The following ZNF264 variants were observed in gnomAD, a reference collection of about 807,000 sequenced individuals.
The protein encoded by ZNF264 is zinc finger protein 264.
In ZNF264, 11 loss-of-function variants were observed where a neutral mutation model predicts 11.2. That is an observed-to-expected ratio of 0.98 (90% CI 0.62 to 1.63). The LOEUF (loss-of-function observed/expected upper bound fraction) is 1.63, where lower values mean the gene tolerates loss of function less well. Ranked by LOEUF, ZNF264 falls within the 40% of genes most tolerant of loss-of-function variation. ZNF264 has a pLI of 0.00. For synonymous variants in ZNF264, 309 were observed against 279.8 expected (o/e 1.10, Z -1.04); for missense variants, 752 against 768.1 (o/e 0.98, Z 0.25).
intron 2 of ZNF264, among the ~76,000 whole-genome samples, chr19:57,203,258 C>T (rs2087266527): frequency 6.6e-6 from 1 of 152,034 alleles, no homozygotes; most frequent in South Asian, 2.1e-4. Context: ...AGGGGAAATA[C>T]TGGCTTGGTA....
chr19:57,193,870 T>G lies in ZNF264; in HGVS notation c.34-5T>G, dbSNP rs201918918. On this transcript the variant is annotated splice_region_variant and splice_polypyrimidine_tract_variant and intron_variant, in intron 1 of 3. Transcript: ENST00000263095. ...CAATACTACTAATTCTGTTTGACTT[T>G]CCAGGTGTCTGTGACCTTTGATGAT... 6.2e-7 allele frequency: 1 copy of G among 1,614,046 alleles called. No individual in the cohort carries two copies. The highest frequency in any genetic ancestry group is 8.5e-7 in the Non-Finnish European group (1 of 1,179,952).
chr19:57,210,542 G>A (rs1426859293), intron 3 of ZNF264, among the ~76,000 whole-genome samples: 1 of 152,184 alleles, frequency 6.6e-6, no homozygotes, highest in Admixed American at 6.5e-5. Context: ...CCCCAGTCTG[G>A]CATATGGCAA....
At chr19:57,209,558 C>T (rs768515636) in intron 3 of ZNF264, among the ~76,000 whole-genome samples, 2 of 152,000 alleles carry the variant, frequency 1.3e-5, no homozygotes, top group East Asian at 3.9e-4. Flanking sequence ...TTTTCTTCAT[C>T]TTGATCATGT....
Position 57,217,443 on chromosome 19 carries a change from AG to A in ZNF264, c.*4463del, listed in dbSNP as rs991969279. On this transcript the variant is annotated 3_prime_UTR_variant, in exon 4 of 4. Transcript: ENST00000263095. ...TTTCTTTTCCTTTTTTTTGAGACCAAGTCTCACTCTGTCACCCACGCTGGAG... is the reference window on the plus strand; with the variant it reads ...TTTCTTTTCCTTTTTTTTGAGACCAATCTCACTCTGTCACCCACGCTGGAG... The A allele has an allele frequency of 3.9e-5, 6 of 152,034 alleles. No individual in the cohort carries two copies. Among genetic ancestry groups the A allele is most frequent in the Admixed American group, 3.3e-4 (5 of 15,268 alleles). The allele number at this position is 152,034 out of a possible 1,614,324, so 9.4% of individuals were successfully genotyped here.
chr19:57,201,283 A>C (rs1280179328), intron 2 of ZNF264, among the ~76,000 whole-genome samples: 1 of 151,698 alleles, frequency 6.6e-6, no homozygotes, highest in Non-Finnish European at 1.5e-5. Context: ...GAAGTAGTGG[A>C]TCTTAGTTTC....
rs1227226820 is a variant in ZNF264 at position 57,193,906 on chromosome 19, C to G, written c.65C>G (p.Thr22Ser). 7.4e-6 allele frequency: 12 copies of G among 1,614,122 alleles called. 1 individual carries two copies. The highest frequency in any genetic ancestry group is 3.3e-5 in the South Asian group (3 of 91,080). ...GTGACCTTTGATGATGTGGCTGTGACTTTCACCAAGGAGGAGTGGGGGCAG... is the reference window on the plus strand; with the variant it reads ...GTGACCTTTGATGATGTGGCTGTGAGTTTCACCAAGGAGGAGTGGGGGCAG... Reference protein sequence around the residue: ...VSVTFDDVAVTFTKEEWGQLD... With the variant: ...VSVTFDDVAVSFTKEEWGQLD... The change falls in exon 2 of 4, where the codon ACT becomes AGT. Residue 22 changes from threonine to serine, a missense_variant. Physicochemically the swap from Thr to Ser is moderately conservative, Grantham distance 58. Coordinates refer to ENST00000263095, the MANE Select transcript of ZNF264 (RefSeq NM_003417.5).
At position 57,215,283 on chromosome 19, in the gene ZNF264, T is replaced by G. The variant is rs1048693474; in HGVS notation, c.*2302T>G. Reference sequence around the variant, plus strand: ...GTATCTATTTCTTGTGTAATAAATTTTGATAGTCTGTCCTGTTGAAGGAAT... The same window carrying G: ...GTATCTATTTCTTGTGTAATAAATTGTGATAGTCTGTCCTGTTGAAGGAAT... On this transcript the variant is annotated 3_prime_UTR_variant, in exon 4 of 4. Transcript: ENST00000263095. 2 of 152,252 alleles carry G rather than the reference T, an allele frequency of 1.3e-5. No homozygotes were observed. Among genetic ancestry groups the G allele is most frequent in the Non-Finnish European group, 2.9e-5 (2 of 68,042 alleles). The allele number at this position is 152,252 out of a possible 1,614,324, so 9.4% of individuals were successfully genotyped here.
At chr19:57,197,067 G>A (rs530756915) in intron 2 of ZNF264, among the ~76,000 whole-genome samples, 1 of 151,988 alleles carries the variant, frequency 6.6e-6, no homozygotes, top group Admixed American at 6.6e-5. Context: ...AACCATCTGT[G>A]AACCAGGCCC....
rs2087356138 is a variant in ZNF264 at position 57,213,361 on chromosome 19, GTTAGT to G, written c.*385_*389del. 5.9e-6 allele frequency: 1 copy of G among 170,020 alleles called. No individual in the cohort carries two copies. Among genetic ancestry groups the G allele is most frequent in the African/African-American group, 2.4e-5 (1 of 41,806 alleles). 10.5% of individuals were successfully genotyped at this position (170,020 alleles called of 1,614,324 possible). ...TTTATTGCTATCCAGTGTCAGAACA[GTTAGT>G]TTAGGAAAAGTATGCAAACTTTAAT... On this transcript the variant is annotated 3_prime_UTR_variant, in exon 4 of 4. Coordinates refer to ENST00000263095, the MANE Select transcript of ZNF264 (RefSeq NM_003417.5).
rs1340969551 is a variant in ZNF264, at chr19:57,217,652, A to C, written c.*4671A>C. ...TTGGTCTTGAACTCTTGACCTCATGATCCACCCGCCTCGGCCCCCCAAAGT... is the reference window on the plus strand; with the variant it reads ...TTGGTCTTGAACTCTTGACCTCATGCTCCACCCGCCTCGGCCCCCCAAAGT... On this transcript the variant is annotated 3_prime_UTR_variant, in exon 4 of 4. Transcript: ENST00000263095. 3 of 151,684 alleles carry C rather than the reference A, an allele frequency of 2.0e-5. No individual in the cohort carries two copies. Among genetic ancestry groups the C allele is most frequent in the African/African-American group, 7.3e-5 (3 of 41,230 alleles). The allele number at this position is 151,684 out of a possible 1,614,324, so 9.4% of individuals were successfully genotyped here.
chr19:57,191,982 T>G (rs763724385), intron 1 of ZNF264, 36 bp downstream of exon 1: 19 of 1,511,622 alleles, frequency 1.3e-5, no homozygotes, highest in Non-Finnish European at 1.5e-5. Context: ...GCCGCTTCCT[T>G]GCCAGCGCTG....
Position 57,205,306 on chromosome 19 carries a change from C to G in ZNF264, c.161-91C>G. On this transcript the variant is annotated intron_variant, in intron 2 of 3. Coordinates refer to ENST00000263095, the MANE Select transcript of ZNF264 (RefSeq NM_003417.5). ...CACAGGAGCAGCTTCACTCCAAGGTCTGGTCTCCATCCTGAAGTCCCAAAC... is the reference window on the plus strand; with the variant it reads ...CACAGGAGCAGCTTCACTCCAAGGTGTGGTCTCCATCCTGAAGTCCCAAAC... 2.4e-6 allele frequency: 3 copies of G among 1,240,320 alleles called. No individual in the cohort carries two copies. The South Asian group carries it at 3.9e-5, about 16-fold the overall frequency. The allele number at this position is 1,240,320 out of a possible 1,614,324, so 76.8% of individuals were successfully genotyped here. A position where few individuals can be genotyped will look rare whatever the true frequency, so the allele number is the denominator to read the frequency against.
chr19:57,204,141 G>A (rs765149257), intron 2 of ZNF264, among the ~76,000 whole-genome samples: 25 of 151,724 alleles, frequency 1.6e-4, no homozygotes, highest in Non-Finnish European at 3.1e-4. Flanking sequence ...GCGTGAACCC[G>A]GGAGGCGGAG....
rs1041162016 is a variant in ZNF264 at position 57,218,500 on chromosome 19, G to A, written c.*5519G>A. The A allele has an allele frequency of 2.0e-5, 3 of 152,140 alleles. No individual in the cohort carries two copies. Among genetic ancestry groups the A allele is most frequent in the African/African-American group, 7.2e-5 (3 of 41,412 alleles). 9.4% of individuals were successfully genotyped at this position (152,140 alleles called of 1,614,324 possible). A position where few individuals can be genotyped will look rare whatever the true frequency, so the allele number is the denominator to read the frequency against. ...TGGTGCTTGCCCAGCTTTTTGATCT[G>A]TAGGATTATGCCTTTTGCAAAATTT... On this transcript the variant is annotated 3_prime_UTR_variant, in exon 4 of 4. Transcript: ENST00000263095.
chr19:57,211,359 A>C lies in ZNF264; in HGVS notation c.262A>C (p.Lys88Gln), dbSNP rs1448215509. The part of the protein sequence containing the change: ...DLSQDTCPGD[K>Q]GKPKTTEPTT... Reference sequence around the variant, plus strand: ...GTGTGCTGGATTTCTTTCAGGCGACAAAGGAAAACCTAAGACCACAGAACC... The same window carrying C: ...GTGTGCTGGATTTCTTTCAGGCGACCAAGGAAAACCTAAGACCACAGAACC... The change falls in exon 4 of 4, where the codon AAA (lysine) becomes CAA (glutamine). Residue 88 changes from lysine to glutamine, a missense_variant. Transcript: ENST00000263095. 4 of 1,592,538 alleles carry C rather than the reference A, an allele frequency of 2.5e-6. No individual in the cohort carries two copies. Among genetic ancestry groups the C allele is most frequent in the Non-Finnish European group, 3.4e-6 (4 of 1,167,834 alleles).
At chr19:57,196,407 A>G (rs766664216) in intron 2 of ZNF264, among the ~76,000 whole-genome samples, 3 of 151,978 alleles carry the variant, frequency 2.0e-5, no homozygotes, top group Non-Finnish European at 4.4e-5. Context: ...AAGAGGTCCA[A>G]TATAATCAAC....
rs1489974810 is a variant in ZNF264, at chr19:57,216,840, A to T, written c.*3859A>T. 6.8e-6 allele frequency: 1 copy of T among 147,730 alleles called. No individual in the cohort carries two copies. Among genetic ancestry groups the T allele is most frequent in the Non-Finnish European group, 1.5e-5 (1 of 67,052 alleles). The allele number at this position is 147,730 out of a possible 1,614,324, so 9.2% of individuals were successfully genotyped here. ...CCTCTGTTATTTGGGGTTGTTTACT[A>T]GTCTTCCTATAGGTTACTTCACCTT... is the stretch of plus-strand genomic sequence containing the variant. On this transcript the variant is annotated 3_prime_UTR_variant, in exon 4 of 4. Coordinates refer to ENST00000263095, the MANE Select transcript of ZNF264 (RefSeq NM_003417.5).
rs2122778145 is a variant in ZNF264, at chr19:57,218,580, T to A, written c.*5599T>A. 1 of 152,336 alleles carries A rather than the reference T, an allele frequency of 6.6e-6. No individual in the cohort carries two copies. The highest frequency in any genetic ancestry group is 2.1e-4 in the South Asian group (1 of 4,826). 9.4% of individuals were successfully genotyped at this position (152,336 alleles called of 1,614,324 possible). A position where few individuals can be genotyped will look rare whatever the true frequency, so the allele number is the denominator to read the frequency against. On this transcript the variant is annotated 3_prime_UTR_variant, in exon 4 of 4. Transcript: ENST00000263095. Reference sequence around the variant, plus strand: ...TATTTTTTCACCCCCCAGTCTTGTCTTTTTTAGGGACTTCAATAACATGAG... The same window carrying A: ...TATTTTTTCACCCCCCAGTCTTGTCATTTTTAGGGACTTCAATAACATGAG...
Position 57,213,289 on chromosome 19 carries a change from A to C in ZNF264, c.*308A>C. 1 of 245,164 alleles carries C rather than the reference A, an allele frequency of 4.1e-6. No homozygotes were observed. The allele number at this position is 245,164 out of a possible 1,614,324, so 15.2% of individuals were successfully genotyped here. A position where few individuals can be genotyped will look rare whatever the true frequency, so the allele number is the denominator to read the frequency against. ...TCTTAGTGTATTTGGGGGAAGGGAA[A>C]TGTTTCAAGGTAAAGAACCTTGACC... is the stretch of plus-strand genomic sequence containing the variant. On this transcript the variant is annotated 3_prime_UTR_variant, in exon 4 of 4. Coordinates refer to ENST00000263095, the MANE Select transcript of ZNF264 (RefSeq NM_003417.5).
Sources: allele counts gnomAD v4.1 joint callset (sites outside exome capture counted in the v4.1 genomes callset), GRCh38; gene constraint gnomAD v4.1.1; transcripts MANE v1.5; gene names NCBI Gene and HGNC (gene_info 2026-07-23, HGNC 2026-07-21).